Variants in PCNX2 observed in about 807,000 individuals in gnomAD.
The protein encoded by PCNX2 is pecanex 2.
Under a neutral mutation model 223.8 loss-of-function variants are expected in PCNX2, and 168 were observed. That is an observed-to-expected ratio of 0.75 (90% CI 0.66 to 0.85). PCNX2 has a LOEUF of 0.85. Among genes scored for constraint, PCNX2 ranks in the 40% least tolerant of loss-of-function variants. The pLI is 0.00. For synonymous variants in PCNX2, 1,006 were observed against 1,052.6 expected (o/e 0.96, Z 0.86); for missense variants, 2,507 against 2,675.5 (o/e 0.94, Z 1.39).
intron 17 of PCNX2, among the ~76,000 whole-genome samples, chr1:233,169,385 G>A (rs1010031076): frequency 6.6e-6 from 1 of 151,480 alleles, no homozygotes; most frequent in African/African-American, 2.4e-5. Context: ...GGTGGCTCAC[G>A]CCTGTAATCC....
At chr1:233,060,703 G>A (rs1473783789) in intron 23 of PCNX2, among the ~76,000 whole-genome samples, 2 of 152,194 alleles carry the variant, frequency 1.3e-5, no homozygotes, top group Non-Finnish European at 2.9e-5. Flanking sequence ...AGGGCTTATA[G>A]CTCACTCCCC....
At chr1:232,984,545 CA>C in intron 33 of PCNX2, 68 bp from the exon 34 acceptor site, 4 of 1,525,102 alleles carry the variant, frequency 2.6e-6, no homozygotes, top group Non-Finnish European at 2.7e-6. Flanking sequence ...TAACTGGCAT[CA>C]CCCCCATCCG....
At position 233,095,854 on chromosome 1, in the gene PCNX2, G is replaced by A. The variant is rs373131067; in HGVS notation, c.3847C>T (p.Leu1283=). ...VSILFSKLGD[L]LHKLQFVLTY... Reference sequence around the variant, plus strand: ...AGGACGAACTGTAACTTGTGAAGCAGGTCCCCGAGCTGAAAGTAAAAGAAA... The same window carrying A: ...AGGACGAACTGTAACTTGTGAAGCAAGTCCCCGAGCTGAAAGTAAAAGAAA... Residue 1283 remains leucine (L), a synonymous_variant, in exon 22 of 34, where the codon CTG becomes TTG. Transcript: ENST00000258229. 1.8e-5 allele frequency: 29 copies of A among 1,609,368 alleles called. No homozygotes were observed. Among genetic ancestry groups the A allele is most frequent in the Non-Finnish European group, 2.4e-5 (28 of 1,177,648 alleles).
intron 23 of PCNX2, among the ~76,000 whole-genome samples, chr1:233,063,672 C>A (rs1440041691): frequency 6.6e-6 from 1 of 152,106 alleles, no homozygotes; most frequent in African/African-American, 2.4e-5. Context: ...GGATTCATGT[C>A]TTTCATCAAT....
intron 23 of PCNX2, among the ~76,000 whole-genome samples, chr1:233,073,237 CCTCA>C (rs1672935256): frequency 6.6e-6 from 1 of 152,080 alleles, no homozygotes; most frequent in African/African-American, 2.4e-5. Flanking sequence ...GTAATAATGT[CCTCA>C]CTTTTATTAG....
rs373578195 is a variant in PCNX2, at chr1:232,986,372, A to G, written c.5960T>C (p.Leu1987Ser). 3 of 1,603,204 alleles carry G rather than the reference A, an allele frequency of 1.9e-6. No homozygotes were observed. The highest frequency in any genetic ancestry group is 2.6e-6 in the Non-Finnish European group (3 of 1,174,712). ...AQRLSGSRLSLHASATSLHSQ... is the reference protein window; with the variant it reads ...AQRLSGSRLSSHASATSLHSQ... ...GTGCAGGGACGTGGCCGAGGCGTGCAAGGAGAGCCGGCTGCCCGAGAGCCT... is the reference window on the plus strand; with the variant it reads ...GTGCAGGGACGTGGCCGAGGCGTGCGAGGAGAGCCGGCTGCCCGAGAGCCT... The change falls in exon 33 of 34, where the codon TTG becomes TCG. Residue 1987 changes from leucine (L) to serine (S), a missense_variant. Transcript: ENST00000258229.
chr1:233,321,691 T>C, the PCNX2 span, among the ~76,000 whole-genome samples: 1 of 152,228 alleles, frequency 6.6e-6, no homozygotes, highest in African/African-American at 2.4e-5. Flanking sequence ...TAATCACCTG[T>C]ACTGAGGATT....
chr1:233,100,395 G>A (rs1674417287), intron 21 of PCNX2, among the ~76,000 whole-genome samples: 1 of 146,374 alleles, frequency 6.8e-6, no homozygotes, highest in South Asian at 2.2e-4. Flanking sequence ...TCCAGCCTGG[G>A]TGACAGAGAG....
intron 21 of PCNX2, among the ~76,000 whole-genome samples, chr1:233,127,514 T>C (rs1319033784): frequency 6.6e-6 from 1 of 152,128 alleles, no homozygotes; most frequent in Non-Finnish European, 1.5e-5. Context: ...TCTACCACTA[T>C]CACCTCCCTT....
In PCNX2 at chr1:233,000,728, A is replaced by C. The variant is rs1045485841; in HGVS notation, c.5098-193T>G. On this transcript the variant is annotated intron_variant, in intron 29 of 33. Coordinates refer to ENST00000258229, the MANE Select transcript of PCNX2 (RefSeq NM_014801.4). The surrounding 1 kb of genome is among the most constrained non-coding windows in gnomAD (Gnocchi z 4.6). ...TTATCTCATTGCCCTAACCAATGGA[A>C]TGTGCCTAGAAAAGAGCTTCATGGC... Among the ~76,000 whole-genome samples the C allele has an allele frequency of 1.3e-5, 2 of 152,188 alleles. No homozygotes were observed. The highest frequency in any genetic ancestry group is 4.8e-5 in the African/African-American group (2 of 41,452).
At chr1:233,219,451 C>T (rs1006800002) in intron 10 of PCNX2, among the ~76,000 whole-genome samples, 2 of 151,986 alleles carry the variant, frequency 1.3e-5, no homozygotes, top group Non-Finnish European at 2.9e-5. Flanking sequence ...ACCACAGGGT[C>T]AGGGAACAAG....
At chr1:233,060,080 A>G (rs1422054992) in intron 23 of PCNX2, among the ~76,000 whole-genome samples, 1 of 152,224 alleles carries the variant, frequency 6.6e-6, no homozygotes, top group Non-Finnish European at 1.5e-5. Context: ...GAGAGAAGAA[A>G]TACTGTGTTA....
intron 1 of PCNX2, among the ~76,000 whole-genome samples, chr1:233,265,058 T>C (rs947074660): frequency 9.3e-5 from 14 of 151,290 alleles, no homozygotes; most frequent in African/African-American, 3.2e-4. Flanking sequence ...GGCAACATAG[T>C]GAGACCCCCC....
chr1:233,125,635 T>C (rs188120034), intron 21 of PCNX2, among the ~76,000 whole-genome samples: 1 of 152,202 alleles, frequency 6.6e-6, no homozygotes, highest in Admixed American at 6.5e-5. Context: ...TTGTACCTGG[T>C]TCAAGAATGA....
chr1:233,213,471 G>C (rs1681934020), intron 12 of PCNX2, among the ~76,000 whole-genome samples: 1 of 152,140 alleles, frequency 6.6e-6, no homozygotes, highest in African/African-American at 2.4e-5. Context: ...ACTAATGCTT[G>C]AGGTTAATAC....
At chr1:233,129,483 G>A (rs1001766551) in intron 21 of PCNX2, among the ~76,000 whole-genome samples, 7 of 152,198 alleles carry the variant, frequency 4.6e-5, no homozygotes, top group African/African-American at 1.7e-4. Context: ...TCAACCAATC[G>A]CCCAAGGGCT....
chr1:233,119,033 C>T (rs1471424436), intron 21 of PCNX2, among the ~76,000 whole-genome samples: 1 of 152,046 alleles, frequency 6.6e-6, no homozygotes, highest in Non-Finnish European at 1.5e-5. Flanking sequence ...TAAAATATAG[C>T]ACTCAGAAAT....
chr1:233,035,497 C>T (rs913126989), intron 25 of PCNX2, among the ~76,000 whole-genome samples: 10 of 152,130 alleles, frequency 6.6e-5, no homozygotes, highest in African/African-American at 2.4e-5. Flanking sequence ...ACTGAGCTGG[C>T]GTTCTGCATA....
intron 23 of PCNX2, among the ~76,000 whole-genome samples, chr1:233,077,237 G>T (rs1673133837): frequency 6.6e-6 from 1 of 152,156 alleles, no homozygotes; most frequent in South Asian, 2.1e-4. Context: ...TGGGGGGAAG[G>T]AATAGTATTT....
Sources: allele counts gnomAD v4.1 joint callset (sites outside exome capture counted in the v4.1 genomes callset), GRCh38; gene constraint gnomAD v4.1.1; non-coding constraint Gnocchi (gnomAD v3.1); transcripts MANE v1.5; gene names NCBI Gene and HGNC (gene_info 2026-07-23, HGNC 2026-07-21).